The following PUDP variants were observed in gnomAD, a reference collection of about 807,000 sequenced individuals.
The protein encoded by PUDP is pseudouridine 5'-phosphatase.
Under a neutral mutation model 9.4 loss-of-function variants are expected in PUDP, and 8 were observed. The observed-to-expected ratio is 0.85, with a 90% CI of 0.50 to 1.53. PUDP has a LOEUF of 1.53. Among genes scored for constraint, PUDP ranks in the 40% most tolerant of loss-of-function variants. The pLI, the probability that PUDP is intolerant of heterozygous loss-of-function variation, is 0.00. For synonymous variants in PUDP, 99 were observed against 80.7 expected (o/e 1.23, Z -1.22); for missense variants, 188 against 189.7 (o/e 0.99, Z 0.05).
intron 3 of PUDP, among the ~76,000 whole-genome samples, chrX:6,907,075 T>C (rs1194095132): frequency 2.7e-5 from 3 of 110,931 alleles, no homozygotes; most frequent in African/African-American, 9.8e-5. Context: ...GAACCATAAT[T>C]CCCATAATCC....
At chrX:6,867,728 A>G (rs1927111287) in intron 3 of PUDP, among the ~76,000 whole-genome samples, 1 of 111,282 alleles carries the variant, frequency 9.0e-6, no homozygotes, top group African/African-American at 3.3e-5. Flanking sequence ...GGTAGTGACA[A>G]TGGTGGTCTT....
At chrX:6,941,444 T>TATCC (rs1928399039) in intron 3 of PUDP, among the ~76,000 whole-genome samples, 1 of 101,644 alleles carries the variant, frequency 9.8e-6, no homozygotes, top group Non-Finnish European at 2.0e-5. Flanking sequence ...GGGCTCAAGC[T>TATCC]ATCCTCCTGC....
intron 1 of PUDP, among the ~76,000 whole-genome samples, chrX:7,028,492 T>C (rs969894378): frequency 9.1e-6 from 1 of 110,272 alleles, no homozygotes; most frequent in African/African-American, 3.3e-5. Context: ...AAGTCAGCAG[T>C]GGGAATGTGG....
intron 2 of PUDP, among the ~76,000 whole-genome samples, chrX:7,102,380 C>T (rs1437488926): frequency 9.4e-6 from 1 of 105,957 alleles, no homozygotes; most frequent in African/African-American, 3.4e-5. Flanking sequence ...TGAAAAGCTC[C>T]AACACCCTTT....
At position 7,077,454 on chromosome X, in the gene PUDP, G is replaced by A. The variant is rs1200339220; in HGVS notation, c.281-5C>T. 1.7e-6 allele frequency: 2 copies of A among 1,195,615 alleles called. No individual in the cohort carries two copies. Among genetic ancestry groups the A allele is most frequent in the African/African-American group, 3.5e-5 (2 of 57,492 alleles). On this transcript the variant is annotated splice_region_variant and splice_polypyrimidine_tract_variant and intron_variant, in intron 2 of 3. Coordinates refer to ENST00000381077, the MANE Select transcript of PUDP (RefSeq NM_012080.5). ...GGATGATGAGTTTCTCCGCCCCTGG[G>A]GAGGAGGAGGGAAGGACTGAGGTGA...
intron 3 of PUDP, among the ~76,000 whole-genome samples, chrX:6,813,379 C>G (rs1926176198): frequency 9.0e-6 from 1 of 111,014 alleles, no homozygotes; most frequent in African/African-American, 3.3e-5. Context: ...CTTCCAAAGA[C>G]TTCATGATAA....
intron 3 of PUDP, among the ~76,000 whole-genome samples, chrX:6,847,230 C>T (rs1268701977): frequency 9.0e-6 from 1 of 111,030 alleles, no homozygotes; most frequent in Admixed American, 9.6e-5. Context: ...CAGGAATTGA[C>T]ATTTGATTAT....
At chrX:6,889,875 G>A (rs1252207104) in intron 3 of PUDP, among the ~76,000 whole-genome samples, 1 of 111,128 alleles carries the variant, frequency 9.0e-6, no homozygotes, top group Non-Finnish European at 1.9e-5. Context: ...TCATCCTCAC[G>A]GGCTGTGAGG....
chrX:6,861,054 T>C (rs888326509), intron 3 of PUDP, among the ~76,000 whole-genome samples: 4 of 112,397 alleles, frequency 3.6e-5, no homozygotes, highest in African/African-American at 1.3e-4. Context: ...CCAGGAGTCA[T>C]ATTTGCATAT....
At chrX:7,093,017 G>A (rs1931467982) in intron 2 of PUDP, among the ~76,000 whole-genome samples, 1 of 112,363 alleles carries the variant, frequency 8.9e-6, no homozygotes, top group African/African-American at 3.2e-5. Context: ...AATATAAAAT[G>A]TACTGTTTTA....
At chrX:6,766,331 T>C (rs1925285042) in intron 3 of PUDP, among the ~76,000 whole-genome samples, 1 of 111,901 alleles carries the variant, frequency 8.9e-6, no homozygotes, top group Non-Finnish European at 1.9e-5. Flanking sequence ...GGTAAATAAA[T>C]ATGCTCTCCT....
chrX:7,101,882 A>G (rs1931746036), intron 2 of PUDP, among the ~76,000 whole-genome samples: 1 of 112,322 alleles, frequency 8.9e-6, no homozygotes, highest in Non-Finnish European at 1.9e-5. Flanking sequence ...TTGTTGGCAT[A>G]TCCTTTGACA....
chrX:6,939,037 T>G (rs1246892961), intron 3 of PUDP, among the ~76,000 whole-genome samples: 1 of 110,627 alleles, frequency 9.0e-6, no homozygotes. Flanking sequence ...TTTTGATTTA[T>G]GCAAACCACG....
intron 3 of PUDP, among the ~76,000 whole-genome samples, chrX:6,923,379 T>C (rs1402996665): frequency 1.8e-5 from 2 of 112,010 alleles, no homozygotes; most frequent in Non-Finnish European, 3.8e-5. Context: ...CCAATTCCTA[T>C]GTGACCTCTG....
intron 3 of PUDP, among the ~76,000 whole-genome samples, chrX:6,934,533 A>C (rs1446235554): frequency 2.6e-4 from 29 of 110,775 alleles, no homozygotes; most frequent in Non-Finnish European, 5.3e-4. Flanking sequence ...AAATCATGCC[A>C]AAATGTAAAG....
At chrX:6,910,335 A>G (rs1320822458) in intron 3 of PUDP, among the ~76,000 whole-genome samples, 1 of 112,177 alleles carries the variant, frequency 8.9e-6, no homozygotes, top group Non-Finnish European at 1.9e-5. Flanking sequence ...CCTGTTCATC[A>G]GACACTATTC....
chrX:6,755,429 G>C (rs979089263), intron 3 of PUDP, among the ~76,000 whole-genome samples: 1 of 111,372 alleles, frequency 9.0e-6, no homozygotes, highest in African/African-American at 3.3e-5. Flanking sequence ...CACCTTGCCA[G>C]GTACTAGGGA....
At position 6,824,406 on chromosome X, in the gene PUDP, T is replaced by C. The variant is rs555494483; in HGVS notation, c.*248-117940A>G. 4.5e-5 allele frequency among the ~76,000 whole-genome samples: 5 copies of C among 111,628 alleles called. No individual in the cohort carries two copies. The South Asian group carries it at 1.9e-3, about 42-fold the overall frequency. On this transcript the variant is annotated intron_variant and NMD_transcript_variant, in intron 3 of 3. Coordinates refer to the PUDP transcript ENST00000655425. ...TATTAGCAGCATGAGAACAGACTAA[T>C]ACAACCTGTATCTTGTGCTGACCTC...
At chrX:6,966,545 A>ATTT (rs748670894) in intron 3 of PUDP, among the ~76,000 whole-genome samples, 26,681 of 89,521 alleles carry the variant, frequency 0.3, 4,116 homozygotes, top group Non-Finnish European at 0.4. Context: ...TCGCCTTCAT[A>ATTT]TTTTTTTTTT....
Sources: gnomAD v4.1 joint callset for allele counts (sites outside exome capture counted in the v4.1 genomes callset) on GRCh38, gnomAD v4.1.1 for gene constraint, MANE v1.5 for transcripts, NCBI Gene and HGNC (gene_info 2026-07-23, HGNC 2026-07-21) for gene names.